The following ALDH3B1 variants were observed in gnomAD, a reference collection of about 807,000 sequenced individuals.
The protein encoded by ALDH3B1 is aldehyde dehydrogenase 3 family member B1.
Under a neutral mutation model 46.2 loss-of-function variants are expected in ALDH3B1, and 37 were observed. The ratio of observed to expected loss-of-function variants is 0.80; its 90% confidence interval spans 0.62 to 1.05. The LOEUF (loss-of-function observed/expected upper bound fraction) is 1.05. Among genes scored for constraint, ALDH3B1 ranks in the 50% least tolerant of loss-of-function variants. The pLI is 0.00. For missense variants in ALDH3B1, 603 were observed against 665.5 expected, an observed-to-expected ratio of 0.91 and a Z score of 1.03; for synonymous variants, 283 against 281.0, an observed-to-expected ratio of 1.01 and a Z score of -0.07.
chr11:68,028,161 G>A lies in ALDH3B1; in HGVS notation c.*222G>A, dbSNP rs766719292. ...CATGAGAGCCGAGGTGGGAGGCATG[G>A]GAAACAGTGCAGTGACTCACCCCCT... On this transcript the variant is annotated 3_prime_UTR_variant, in exon 10 of 10. Coordinates refer to ENST00000342456, the MANE Select transcript of ALDH3B1 (RefSeq NM_000694.4). 1 of 751,900 alleles carries A rather than the reference G, an allele frequency of 1.3e-6. No homozygotes were observed. 46.6% of individuals were successfully genotyped at this position (751,900 alleles called of 1,614,324 possible).
chr11:68,021,177 T>G lies in ALDH3B1; in HGVS notation c.563-308T>G, dbSNP rs577967163. On this transcript the variant is annotated intron_variant, in intron 6 of 9. Transcript: ENST00000342456. ...ATGCAGCATTTTGCAAAGAGTCCCC[T>G]GCAGGGTCAGCCAGGGTCACAAGCA... is the stretch of plus-strand genomic sequence containing the variant. Among the ~76,000 whole-genome samples the G allele has an allele frequency of 6.2e-4, 95 of 152,236 alleles. 1 individual carries two copies. Among genetic ancestry groups the G allele is most frequent in the African/African-American group, 2.2e-3 (90 of 41,548 alleles).
intron 8 of ALDH3B1, among the ~76,000 whole-genome samples, chr11:68,025,678 A>G (rs1857605365): frequency 6.6e-6 from 1 of 152,082 alleles, no homozygotes; most frequent in Admixed American, 6.5e-5. Context: ...CCTACTGTCC[A>G]GTACTGCCCT....
chr11:68,021,680 G>A lies in ALDH3B1; in HGVS notation c.758G>A (p.Ser253Asn), dbSNP rs370997458. ...TCVAPDYVLC[S>N]PEMQERLLPA... is the part of the protein sequence containing the mutation. ...GTGGCCCCCGACTACGTCCTATGCA[G>A]CCCTGAGATGCAGGAGAGGCTGCTG... Residue 253 changes from serine to asparagine, a missense_variant, in exon 7 of 10, where the codon AGC becomes AAC. Coordinates refer to ENST00000342456, the MANE Select transcript of ALDH3B1 (RefSeq NM_000694.4). 3.7e-5 allele frequency: 60 copies of A among 1,613,852 alleles called. No homozygotes were observed. The Middle Eastern group carries it at 5.0e-4, about 13-fold the overall frequency.
chr11:68,028,205 C>G lies in ALDH3B1; in HGVS notation c.*266C>G. The G allele has an allele frequency of 1.5e-6, 1 of 647,110 alleles. No individual in the cohort carries two copies. Among genetic ancestry groups the G allele is most frequent in the South Asian group, 1.5e-5 (1 of 66,186 alleles). The allele number at this position is 647,110 out of a possible 1,614,324, so 40.1% of individuals were successfully genotyped here. ...ACCCCCTGCCCCCGCACCAACCACC[C>G]ATATTCAGGAGAAGAGGACAGACAC... On this transcript the variant is annotated 3_prime_UTR_variant, in exon 10 of 10. Coordinates refer to ENST00000342456, the MANE Select transcript of ALDH3B1 (RefSeq NM_000694.4).
At chr11:68,019,044 T>C in intron 4 of ALDH3B1, 126 bp from the exon 5 acceptor site, 1 of 1,445,850 alleles carries the variant, frequency 6.9e-7, no homozygotes, top group Non-Finnish European at 9.3e-7. Context: ...CCTGGGCCCG[T>C]CATGTTACCT....
chr11:68,011,789 C>A (rs1187223541), intron 1 of ALDH3B1, among the ~76,000 whole-genome samples: 2 of 152,178 alleles, frequency 1.3e-5, no homozygotes, highest in Non-Finnish European at 2.9e-5. Context: ...CCCCTTCAGG[C>A]CCCTGCCCCA....
chr11:68,026,621 C>A (rs1005095163), intron 9 of ALDH3B1, among the ~76,000 whole-genome samples: 4 of 152,144 alleles, frequency 2.6e-5, no homozygotes, highest in African/African-American at 9.7e-5. Flanking sequence ...GAGTCCTGGC[C>A]TCTGAGTCAG....
At chr11:68,026,475 C>G (rs1286254924) in intron 9 of ALDH3B1, among the ~76,000 whole-genome samples, 2 of 152,174 alleles carry the variant, frequency 1.3e-5, no homozygotes, top group African/African-American at 2.4e-5. Context: ...GCAATGCCGC[C>G]GGTGTCCTTT....
chr11:68,015,155 C>G, intron 1 of ALDH3B1, 142 bp from the exon 2 acceptor site: 1 of 894,572 alleles, frequency 1.1e-6, no homozygotes, highest in Non-Finnish European at 1.6e-6. Context: ...GAGTGGGTCC[C>G]TGTGTGTGTA....
chr11:68,018,859 G>A lies in ALDH3B1; in HGVS notation c.360G>A (p.Leu120=), dbSNP rs987752991. Residue 120 remains leucine, a synonymous_variant, in exon 4 of 10, where the codon CTG becomes CTA. Coordinates refer to ENST00000342456, the MANE Select transcript of ALDH3B1 (RefSeq NM_000694.4). The part of the protein sequence containing the change: ...IIAPWNYPLN[L]TLVPLVGALA... ...CGCCCTGGAACTATCCGCTGAACCT[G>A]ACGCTGGTGCCCCTCGTGGGAGCCC... The A allele has an allele frequency of 1.9e-6, 3 of 1,562,662 alleles. No homozygotes were observed. The highest frequency in any genetic ancestry group is 2.6e-6 in the Non-Finnish European group (3 of 1,153,912).
intron 1 of ALDH3B1, among the ~76,000 whole-genome samples, chr11:68,011,444 T>A (rs1857228722): frequency 6.6e-6 from 1 of 152,216 alleles, no homozygotes; most frequent in Non-Finnish European, 1.5e-5. Flanking sequence ...TCCTTAAAGC[T>A]TCGGTTTGAT....
Position 68,018,500 on chromosome 11 carries a change from C to T in ALDH3B1, c.163-27C>T, listed in dbSNP as rs149625616. Reference sequence around the variant, plus strand: ...CCTGCCAACTCTGGGAATCCTGGCCCACCCTGACCCCACCCACTTCCTGCA... The same window carrying T: ...CCTGCCAACTCTGGGAATCCTGGCCTACCCTGACCCCACCCACTTCCTGCA... On this transcript the variant is annotated intron_variant, in intron 2 of 9. Transcript: ENST00000342456. The T allele has an allele frequency of 2.9e-3, 4,445 of 1,533,712 alleles. 30 individuals carry two copies. In the Middle Eastern group the frequency reaches 0.037, roughly 13 times the overall value.
chr11:68,014,499 A>G (rs1857298647), intron 1 of ALDH3B1, among the ~76,000 whole-genome samples: 1 of 152,002 alleles, frequency 6.6e-6, no homozygotes, highest in South Asian at 2.1e-4. Flanking sequence ...GGCTCGGGGG[A>G]ATGTCTAGGC....
chr11:68,010,780 A>G (rs542481949), intron 1 of ALDH3B1, among the ~76,000 whole-genome samples: 1 of 152,202 alleles, frequency 6.6e-6, no homozygotes, highest in Non-Finnish European at 1.5e-5. Flanking sequence ...CCCTTCCAGC[A>G]ACAGCCGTTT....
At chr11:68,009,061 A>G (rs1276503546), upstream of ALDH3B1, among the ~76,000 whole-genome samples, 2 of 152,202 alleles carry the variant, frequency 1.3e-5, no homozygotes, top group Admixed American at 6.5e-5. Flanking sequence ...GGTCCTAAGC[A>G]GAGAGGCAGG....
At chr11:68,013,599 C>T (rs149263232) in intron 1 of ALDH3B1, among the ~76,000 whole-genome samples, 21 of 152,340 alleles carry the variant, frequency 1.4e-4, no homozygotes, top group African/African-American at 4.1e-4. Flanking sequence ...GGCACAACAG[C>T]AAATGTTTTA....
At chr11:68,009,847 G>A (rs1250681948), upstream of ALDH3B1, among the ~76,000 whole-genome samples, 1 of 152,086 alleles carries the variant, frequency 6.6e-6, no homozygotes, top group Middle Eastern at 3.2e-3. Context: ...GTAGGAGGAG[G>A]GCAGCAGGAG....
At position 68,028,008 on chromosome 11, in the gene ALDH3B1, T is replaced by C; in HGVS notation, c.*69T>C. On this transcript the variant is annotated 3_prime_UTR_variant, in exon 10 of 10. Transcript: ENST00000342456. ...GCCTGCGGCTGGTGGAGACGGGGCC[T>C]GGGCTCCCGGGCCCGAGGAGGAAAA... 1 of 1,554,668 alleles carries C rather than the reference T, an allele frequency of 6.4e-7. No homozygotes were observed. Among genetic ancestry groups the C allele is most frequent in the Non-Finnish European group, 8.7e-7 (1 of 1,150,476 alleles).
chr11:68,028,407 C>T lies in ALDH3B1; in HGVS notation c.*468C>T, dbSNP rs185753052. On this transcript the variant is annotated 3_prime_UTR_variant, in exon 10 of 10. Coordinates refer to ENST00000342456, the MANE Select transcript of ALDH3B1 (RefSeq NM_000694.4). ...ATTGATACCTCCTGGCTGGGTGAGG[C>T]GGCTCACACCTGTAATCCCAGCACT... 31 of 306,256 alleles carry T rather than the reference C, an allele frequency of 1.0e-4. No individual in the cohort carries two copies. Among genetic ancestry groups the T allele is most frequent in the African/African-American group, 3.9e-4 (18 of 46,074 alleles). 19.0% of individuals were successfully genotyped at this position (306,256 alleles called of 1,614,324 possible). A position where few individuals can be genotyped will look rare whatever the true frequency, so the allele number is the denominator to read the frequency against.
Sources: allele counts gnomAD v4.1 joint callset (sites outside exome capture counted in the v4.1 genomes callset), GRCh38; gene constraint gnomAD v4.1.1; transcripts MANE v1.5; gene names NCBI Gene and HGNC (gene_info 2026-07-23, HGNC 2026-07-21).